The following PIGU variants were observed in gnomAD, a reference collection of about 807,000 sequenced individuals.
PIGU encodes the protein GPI-anchor transamidase component PIGU.
Under a neutral mutation model 49.9 loss-of-function variants are expected in PIGU, and 24 were observed. The observed-to-expected ratio is 0.48, with a 90% CI of 0.35 to 0.68. The LOEUF is 0.68. PIGU is among the 30% of genes least tolerant of loss of function. The pLI, the probability that PIGU is intolerant of heterozygous loss-of-function variation, is 0.01. For synonymous variants in PIGU, 220 were observed against 205.7 expected, an observed-to-expected ratio of 1.07 and a Z score of -0.59; for missense variants, 490 against 532.6, an observed-to-expected ratio of 0.92 and a Z score of 0.79.
chr20:34,666,555 G>A (rs1987101792), intron 1 of PIGU, among the ~76,000 whole-genome samples: 2 of 151,078 alleles, frequency 1.3e-5, no homozygotes, highest in South Asian at 4.2e-4. Flanking sequence ...TTTAGAGACA[G>A]GGGCCTTAAT....
At chr20:34,627,939 A>C (rs189372126) in intron 6 of PIGU, among the ~76,000 whole-genome samples, 1 of 152,282 alleles carries the variant, frequency 6.6e-6, no homozygotes, top group East Asian at 1.9e-4. Context: ...CATTTTAAGT[A>C]ATCCAATAAT....
chr20:34,567,952 C>G (rs1466690075), intron 11 of PIGU, among the ~76,000 whole-genome samples: 1 of 152,168 alleles, frequency 6.6e-6, no homozygotes, highest in Non-Finnish European at 1.5e-5. Flanking sequence ...CAGCCCAGCT[C>G]TGGGCTCCCA....
intron 7 of PIGU, among the ~76,000 whole-genome samples, chr20:34,589,679 C>CA (rs1983870989): frequency 1.4e-5 from 1 of 73,546 alleles, no homozygotes; most frequent in South Asian, 4.7e-4. Context: ...TTTTTTGAAA[C>CA]AGAGTTTCGC....
intron 6 of PIGU, among the ~76,000 whole-genome samples, chr20:34,618,456 C>T (rs576979221): frequency 6.6e-6 from 1 of 152,228 alleles, no homozygotes; most frequent in South Asian, 2.1e-4. Context: ...AATACCCATG[C>T]TCACTCTCAT....
At chr20:34,650,646 ATT>A (rs960783700) in intron 2 of PIGU, among the ~76,000 whole-genome samples, 3 of 65,646 alleles carry the variant, frequency 4.6e-5, no homozygotes, top group Admixed American at 4.1e-4. Context: ...TTTATTGTCT[ATT>A]TTTTTCTGTC....
chr20:34,665,969 T>C (rs1987077119), intron 1 of PIGU, among the ~76,000 whole-genome samples: 1 of 152,152 alleles, frequency 6.6e-6, no homozygotes, highest in Non-Finnish European at 1.5e-5. Flanking sequence ...GTGGATCACC[T>C]GAGGTCAGGA....
At chr20:34,632,598 C>T (rs1425205430) in intron 6 of PIGU, among the ~76,000 whole-genome samples, 3 of 152,064 alleles carry the variant, frequency 2.0e-5, no homozygotes, top group Non-Finnish European at 4.4e-5. Context: ...AACTCCTGAC[C>T]TCGTGATCTA....
chr20:34,592,311 G>A (rs1984022585), intron 7 of PIGU, among the ~76,000 whole-genome samples: 1 of 149,906 alleles, frequency 6.7e-6, no homozygotes, highest in South Asian at 2.1e-4. Flanking sequence ...AAAGAAGGAA[G>A]AAAATAATAA....
intron 7 of PIGU, among the ~76,000 whole-genome samples, chr20:34,608,956 C>G (rs1019777719): frequency 6.6e-6 from 1 of 152,130 alleles, no homozygotes; most frequent in Non-Finnish European, 1.5e-5. Flanking sequence ...TCTAAAGGGT[C>G]CACTTAGTAG....
At chr20:34,672,214 T>A (rs1987329775) in intron 1 of PIGU, among the ~76,000 whole-genome samples, 1 of 152,146 alleles carries the variant, frequency 6.6e-6, no homozygotes, top group Non-Finnish European at 1.5e-5. Context: ...GTGCTGGGAT[T>A]ACAGGCATGA....
At chr20:34,673,882 G>A (rs1600679403) in intron 1 of PIGU, among the ~76,000 whole-genome samples, 2 of 151,592 alleles carry the variant, frequency 1.3e-5, no homozygotes, top group Non-Finnish European at 2.9e-5. Context: ...GTGAAACCTC[G>A]TGTCTACTAA....
intron 11 of PIGU, among the ~76,000 whole-genome samples, chr20:34,562,147 C>A (rs1215309119): frequency 1.3e-5 from 2 of 152,238 alleles, no homozygotes; most frequent in Non-Finnish European, 2.9e-5. Flanking sequence ...GCCCTATACA[C>A]CAGACCCGGA....
chr20:34,616,086 A>G lies in PIGU; in HGVS notation c.583T>C (p.Tyr195His). 6.2e-7 allele frequency: 1 copy of G among 1,613,422 alleles called. No homozygotes were observed. Among genetic ancestry groups the G allele is most frequent in the Non-Finnish European group, 8.5e-7 (1 of 1,179,704 alleles). ...CCTGGGACAAACAAGGTGAGTGGGT[A>G]CAGAGACTGGTATGTCGCTAAGGCA... ...FLALATYQSL[Y>H]PLTLFVPGLL... is the part of the protein sequence containing the mutation. The change falls in exon 7 of 12, where the codon TAC (tyrosine) becomes CAC (histidine). Residue 195 changes from tyrosine (Y) to histidine (H), a missense_variant. By Grantham distance (83) the Tyr-to-His change is moderately conservative. Coordinates refer to ENST00000217446, the MANE Select transcript of PIGU (RefSeq NM_080476.5).
chr20:34,620,861 G>T (rs1470970505), intron 6 of PIGU, among the ~76,000 whole-genome samples: 1 of 145,634 alleles, frequency 6.9e-6, no homozygotes, highest in Non-Finnish European at 1.5e-5. Flanking sequence ...GACTCAAAAA[G>T]GTCCTCAGGA....
At chr20:34,563,848 T>A (rs1982633529) in intron 11 of PIGU, among the ~76,000 whole-genome samples, 1 of 152,130 alleles carries the variant, frequency 6.6e-6, no homozygotes, top group Non-Finnish European at 1.5e-5. Context: ...GTGGTGGAGG[T>A]TAACATCAGC....
intron 2 of PIGU, among the ~76,000 whole-genome samples, chr20:34,651,526 T>G (rs1032174517): frequency 6.7e-5 from 10 of 149,660 alleles, no homozygotes; most frequent in Admixed American, 5.3e-4. Flanking sequence ...GCAGATGTGG[T>G]TTTTTTTTTC....
chr20:34,594,919 C>T (rs996929353), intron 7 of PIGU, among the ~76,000 whole-genome samples: 1 of 151,468 alleles, frequency 6.6e-6, no homozygotes, highest in Non-Finnish European at 1.5e-5. Flanking sequence ...GGTGAAACCC[C>T]GTCTCTACTA....
At chr20:34,569,095 T>C (rs369936133) in intron 11 of PIGU, among the ~76,000 whole-genome samples, 1 of 151,910 alleles carries the variant, frequency 6.6e-6, no homozygotes, top group East Asian at 1.9e-4. Context: ...TTCTAGCTAC[T>C]TGGGAGGCTG....
chr20:34,638,385 T>C (rs1490022489), intron 4 of PIGU, among the ~76,000 whole-genome samples: 2 of 152,222 alleles, frequency 1.3e-5, no homozygotes, highest in Non-Finnish European at 2.9e-5. Context: ...TTTCACTTAT[T>C]TATATGATTG....
Sources: gnomAD v4.1 joint callset for allele counts (sites outside exome capture counted in the v4.1 genomes callset) on GRCh38, gnomAD v4.1.1 for gene constraint, MANE v1.5 for transcripts, NCBI Gene and HGNC (gene_info 2026-07-23, HGNC 2026-07-21) for gene names.